PPP1R26: variants seen among roughly 807,000 people sequenced by gnomAD.
The protein encoded by PPP1R26 is 1A6/DRIM (down-regulated in metastasis) interacting protein.
Under a neutral mutation model 67.6 loss-of-function variants are expected in PPP1R26, and 22 were observed. The observed-to-expected ratio is 0.33, with a 90% CI of 0.23 to 0.46. The LOEUF is 0.46. Among genes scored for constraint, PPP1R26 ranks in the 20% least tolerant of loss-of-function variants. The probability of loss-of-function intolerance (pLI) is 1.00; values close to 1 mark genes in which losing one functional copy is unlikely to be tolerated. For synonymous variants in PPP1R26, 729 were observed against 717.2 expected, an observed-to-expected ratio of 1.02 and a Z score of -0.26; for missense variants, 1,602 against 1,651.4, an observed-to-expected ratio of 0.97 and a Z score of 0.52.
rs1187430656 is a variant in PPP1R26, at chr9:135,484,691, C to T, written c.181C>T (p.Arg61Trp). Residue 61 changes from arginine to tryptophan, a missense_variant, in exon 4 of 4, where the codon CGG becomes TGG. Arg to Trp is a moderately radical substitution (Grantham distance 101). Coordinates refer to ENST00000356818, the MANE Select transcript of PPP1R26 (RefSeq NM_014811.5). ...CACTCTGCAGCGCGACGGGGCTGCT[C>T]GGGGCACCAGCGATGAGCGCGCCGC... Reference protein sequence around the residue: ...ISTLQRDGAARGTSDERAAQR... With the variant: ...ISTLQRDGAAWGTSDERAAQR... 15 of 1,609,924 alleles carry T rather than the reference C, an allele frequency of 9.3e-6. No homozygotes were observed. The highest frequency in any genetic ancestry group is 2.2e-5 in the East Asian group (1 of 44,866).
chr9:135,486,736 G>A lies in PPP1R26; in HGVS notation c.2226G>A (p.Trp742Ter), dbSNP rs895745807. The change falls in exon 4 of 4, where the codon TGG becomes TGA. Residue 742 changes from tryptophan to a stop codon, truncating the protein, a stop_gained. Transcript: ENST00000356818. LOFTEE classifies it high-confidence loss of function. The surrounding 1 kb of genome is among the most constrained non-coding windows in gnomAD (Gnocchi z 6.2). ...AGCTGGGCGGGCTCCGGAGAGACTG[G>A]AAAGACAGGGGCCCGCCAGTGCTGA... ...LEQLGGLRRD[W>*]KDRGPPVLKS... The A allele has an allele frequency of 1.3e-6, 2 of 1,568,910 alleles. No homozygotes were observed. The highest frequency in any genetic ancestry group is 1.7e-6 in the Non-Finnish European group (2 of 1,157,522).
chr9:135,484,517 C>G lies in PPP1R26; in HGVS notation c.7C>G (p.Leu3Val), dbSNP rs1470474647. 4 of 1,593,634 alleles carry G rather than the reference C, an allele frequency of 2.5e-6. No homozygotes were observed. Among genetic ancestry groups the G allele is most frequent in the African/African-American group, 2.7e-5 (2 of 73,594 alleles). The change falls in exon 4 of 4, where the codon CTC (leucine) becomes GTC (valine). Residue 3 changes from leucine (L) to valine (V), a missense_variant. Physicochemically the swap from Leu to Val is conservative, Grantham distance 32. This residue lies in a region of PPP1R26 where 168 missense variants were observed against 176.1 expected (regional missense o/e 0.95). Coordinates refer to ENST00000356818, the MANE Select transcript of PPP1R26 (RefSeq NM_014811.5). MF[L>V]MNASPVVALQ... is the part of the protein sequence containing the mutation. ...CCCCTCCCCGTCTGCTAGAATGTTT[C>G]TCATGAACGCTTCTCCAGTGGTTGC...
intron 1 of PPP1R26, chr9:135,480,569 G>C (rs904281271): frequency 6.6e-6 from 1 of 152,276 alleles, no homozygotes; most frequent in Non-Finnish European, 1.5e-5. Context: ...CGCGCCCTCG[G>C]GGAGGGGAGC....
intron 3 of PPP1R26, 176 bp downstream of exon 3, chr9:135,484,258 C>T (rs1830623402): frequency 3.8e-6 from 2 of 522,086 alleles, no homozygotes; most frequent in Admixed American, 7.4e-5. Flanking sequence ...GTTCCTTTCC[C>T]AGCTGAGGAA....
intron 2 of PPP1R26, chr9:135,483,493 A>G (rs1045986531): frequency 6.5e-6 from 1 of 152,842 alleles, no homozygotes; most frequent in African/African-American, 2.4e-5. Flanking sequence ...TTCAGTGTCC[A>G]TAAGCCTTGG....
rs1199423649 is a variant in PPP1R26, at chr9:135,479,932, T to TCCGGCCCGCCC, written c.-408_-398dup. On this transcript the variant is annotated 5_prime_UTR_variant, in exon 1 of 4. Transcript: ENST00000356818. This position sits in a 1 kb window ranked among gnomAD's most constrained non-coding sequence, Gnocchi z 5.9. Reference sequence around the variant, plus strand: ...GGCGGAGCGCGCTGGCCCTGCAGCCTCCGGCCCGCCCCCGGCCCGCCGCCT... The same window carrying TCCGGCCCGCCC: ...GGCGGAGCGCGCTGGCCCTGCAGCCTCCGGCCCGCCCCCGGCCCGCCCCCGGCCCGCCGCCT... 8 of 142,250 alleles carry TCCGGCCCGCCC rather than the reference T, an allele frequency of 5.6e-5. No individual in the cohort carries two copies. Among genetic ancestry groups the TCCGGCCCGCCC allele is most frequent in the South Asian group, 4.4e-4 (2 of 4,550 alleles). The allele number at this position is 142,250 out of a possible 1,614,324, so 8.8% of individuals were successfully genotyped here.
chr9:135,487,794 G>A lies in PPP1R26; in HGVS notation c.3284G>A (p.Trp1095Ter), dbSNP rs202060370. 1 of 1,569,456 alleles carries A rather than the reference G, an allele frequency of 6.4e-7. No individual in the cohort carries two copies. Among genetic ancestry groups the A allele is most frequent in the Non-Finnish European group, 8.6e-7 (1 of 1,162,088 alleles). Residue 1095 changes from tryptophan (W) to a stop codon, truncating the protein, a stop_gained, in exon 4 of 4, where the codon TGG becomes TAG. Coordinates refer to ENST00000356818, the MANE Select transcript of PPP1R26 (RefSeq NM_014811.5). LOFTEE classifies it high-confidence loss of function. The stretch of plus-strand genomic sequence containing the variant: ...TTCCACTTTGGAAAGGGTGTCTCCT[G>A]GGGGGGCAGGCAGGCTGGCCTCTTC... ...QLFHFGKGVS[W>*]GGRQAGLFSP...
In PPP1R26 at chr9:135,488,117, G is replaced by A. The variant is rs142504173; in HGVS notation, c.3607G>A (p.Gly1203Ser). The A allele has an allele frequency of 5.7e-5, 87 of 1,532,056 alleles. No individual in the cohort carries two copies. The highest frequency in any genetic ancestry group is 1.5e-4 in the Admixed American group (7 of 47,130). 94.9% of individuals were successfully genotyped at this position (1,532,056 alleles called of 1,614,324 possible). ...FSDTSTEDSG[G>S]SSVVKV ...CGACACCTCCACGGAGGACAGTGGC[G>A]GCAGCTCAGTAGTGAAGGTCTAAGC... The change falls in exon 4 of 4, where the codon GGC becomes AGC. Residue 1203 changes from glycine to serine, a missense_variant. This residue lies in a region of PPP1R26 where 740 missense variants were observed against 696.3 expected (regional missense o/e 1.06). Transcript: ENST00000356818.
Position 135,485,860 on chromosome 9 carries a change from G to A in PPP1R26, c.1350G>A (p.Leu450=). ...GLDTDHAPKL[L]KETKAPPPAS... is the part of the protein sequence containing the mutation. Reference sequence around the variant, plus strand: ...ACACTGACCATGCCCCCAAGCTCCTGAAGGAAACCAAAGCTCCACCTCCAG... The same window carrying A: ...ACACTGACCATGCCCCCAAGCTCCTAAAGGAAACCAAAGCTCCACCTCCAG... Residue 450 remains leucine, a synonymous_variant, in exon 4 of 4, where the codon CTG becomes CTA. Transcript: ENST00000356818. This position sits in a 1 kb window ranked among gnomAD's most constrained non-coding sequence, Gnocchi z 7.2. 1 of 1,613,466 alleles carries A rather than the reference G, an allele frequency of 6.2e-7. No individual in the cohort carries two copies. Among genetic ancestry groups the A allele is most frequent in the Non-Finnish European group, 8.5e-7 (1 of 1,180,008 alleles).
chr9:135,484,323 G>T (rs916486654), intron 3 of PPP1R26, 126 bp from the exon 4 acceptor site: 1 of 603,408 alleles, frequency 1.7e-6, no homozygotes, highest in Non-Finnish European at 2.9e-6. Context: ...CTAGCTGGAC[G>T]TTGGGCTCCA....
chr9:135,484,723 G>A lies in PPP1R26; in HGVS notation c.213G>A (p.Arg71=). ...CCAGCGATGAGCGCGCCGCACAGAG[G>A]GGCCACAGGGCAGAGGGATGCCACG... ...RGTSDERAAQ[R]GHRAEGCHDA... Residue 71 remains arginine, a synonymous_variant, in exon 4 of 4, where the codon AGG becomes AGA. Coordinates refer to ENST00000356818, the MANE Select transcript of PPP1R26 (RefSeq NM_014811.5). 1.2e-6 allele frequency: 2 copies of A among 1,609,634 alleles called. No individual in the cohort carries two copies. The highest frequency in any genetic ancestry group is 1.7e-6 in the Non-Finnish European group (2 of 1,178,702).
chr9:135,485,670 A>G lies in PPP1R26; in HGVS notation c.1160A>G (p.Asp387Gly), dbSNP rs563547424. The G allele has an allele frequency of 2.5e-6, 4 of 1,611,756 alleles. No homozygotes were observed. In the African/African-American group the frequency reaches 5.3e-5, roughly 21 times the overall value. Residue 387 changes from aspartate to glycine, a missense_variant, in exon 4 of 4, where the codon GAC becomes GGC. Transcript: ENST00000356818. The surrounding 1 kb of genome is among the most constrained non-coding windows in gnomAD (Gnocchi z 7.2). ...AAAACACGCAAGGAGGCCGACGGGG[A>G]CCTGCCCCAGAGGGTCCAACTCCGA... ...LQKTRKEADGDLPQRVQLREE... is the reference protein window; with the variant it reads ...LQKTRKEADGGLPQRVQLREE...
At chr9:135,479,363 C>T (rs1340287896), upstream of PPP1R26, among the ~76,000 whole-genome samples, 2 of 151,788 alleles carry the variant, frequency 1.3e-5, no homozygotes, top group Non-Finnish European at 1.5e-5. The surrounding 1 kb of genome is among the most constrained non-coding windows in gnomAD (Gnocchi z 5.9). Context: ...GGGCCCCGCA[C>T]GCTCCCTTCC....
rs1223502083 is a variant in PPP1R26 at position 135,487,021 on chromosome 9, C to T, written c.2511C>T (p.Ile837=). The change falls in exon 4 of 4, where the codon ATC becomes ATT. Residue 837 remains isoleucine (I), a synonymous_variant. Coordinates refer to ENST00000356818, the MANE Select transcript of PPP1R26 (RefSeq NM_014811.5). ...GTTCAGTGGACAGCAACGACAGCAT[C>T]GAACTGGAGATTAGGAAGTTTTTGG... ...DSSSVDSNDS[I]ELEIRKFLAE... The T allele has an allele frequency of 5.6e-6, 9 of 1,611,564 alleles. No individual in the cohort carries two copies. The highest frequency in any genetic ancestry group is 2.7e-5 in the African/African-American group (2 of 74,894).
rs748711415 is a variant in PPP1R26 at position 135,487,408 on chromosome 9, A to G, written c.2898A>G (p.Pro966=). 2 of 1,595,124 alleles carry G rather than the reference A, an allele frequency of 1.3e-6. No individual in the cohort carries two copies. Among genetic ancestry groups the G allele is most frequent in the Non-Finnish European group, 8.5e-7 (1 of 1,172,090 alleles). ...TTTACGTTCACAAAGACCAGAGCCC[A>G]CGAGGGGCTGAGCCTGCTGCCAAAA... is the stretch of plus-strand genomic sequence containing the variant. ...RNVYVHKDQS[P]RGAEPAAKSA... is the part of the protein sequence containing the mutation. The change falls in exon 4 of 4, where the codon CCA becomes CCG. Residue 966 remains proline (P), a synonymous_variant. Transcript: ENST00000356818.
At chr9:135,481,759 C>T (rs373638135) in intron 1 of PPP1R26, among the ~76,000 whole-genome samples, 3 of 151,932 alleles carry the variant, frequency 2.0e-5, no homozygotes, top group East Asian at 1.9e-4. Flanking sequence ...GCTGGGATTA[C>T]GGGCACACGC....
In PPP1R26 at chr9:135,485,918, C is replaced by T. The variant is rs771579922; in HGVS notation, c.1408C>T (p.Arg470Trp). 98 of 1,613,400 alleles carry T rather than the reference C, an allele frequency of 6.1e-5. 1 individual carries two copies. The East Asian group carries it at 1.1e-3, about 18-fold the overall frequency. The change falls in exon 4 of 4, where the codon CGG becomes TGG. Residue 470 changes from arginine to tryptophan, a missense_variant. Around this residue, in one of 5 missense-constraint regions of PPP1R26, gnomAD observed 680 missense variants for 726.1 expected, o/e 0.94. Coordinates refer to ENST00000356818, the MANE Select transcript of PPP1R26 (RefSeq NM_014811.5). The surrounding 1 kb of genome is among the most constrained non-coding windows in gnomAD (Gnocchi z 7.2). ...SPASRSEFVE[R>W]SSCRADTSAE... ...TGCTTCCAGGAGTGAGTTTGTGGAA[C>T]GGTCCTCGTGCCGGGCGGACACATC...
rs151324944 is a variant in PPP1R26 at position 135,484,702 on chromosome 9, C to T, written c.192C>T (p.Ser64=). 6 of 1,609,676 alleles carry T rather than the reference C, an allele frequency of 3.7e-6. No homozygotes were observed. Among genetic ancestry groups the T allele is most frequent in the African/African-American group, 2.7e-5 (2 of 75,022 alleles). ...GCGACGGGGCTGCTCGGGGCACCAGCGATGAGCGCGCCGCACAGAGGGGCC... is the reference window on the plus strand; with the variant it reads ...GCGACGGGGCTGCTCGGGGCACCAGTGATGAGCGCGCCGCACAGAGGGGCC... ...LQRDGAARGT[S]DERAAQRGHR... The change falls in exon 4 of 4, where the codon AGC becomes AGT. Residue 64 remains serine (S), a synonymous_variant. Transcript: ENST00000356818.
rs1830730458 is a variant in PPP1R26, at chr9:135,486,333, A to G, written c.1823A>G (p.Lys608Arg). 1.2e-6 allele frequency: 2 copies of G among 1,613,078 alleles called. No homozygotes were observed. Among genetic ancestry groups the G allele is most frequent in the Non-Finnish European group, 1.7e-6 (2 of 1,179,998 alleles). Residue 608 changes from lysine (K) to arginine (R), a missense_variant, in exon 4 of 4, where the codon AAG becomes AGG. Physicochemically the swap from Lys to Arg is conservative, Grantham distance 26. This residue lies in a region of PPP1R26 where 680 missense variants were observed against 726.1 expected (regional missense o/e 0.94). Coordinates refer to ENST00000356818, the MANE Select transcript of PPP1R26 (RefSeq NM_014811.5). The surrounding 1 kb of genome is among the most constrained non-coding windows in gnomAD (Gnocchi z 6.2). ...GGCCATGTGAGGCCATCCACGCCCA[A>G]GAAAATGCAGGAGGTGGTGAAAGAC... Reference protein sequence around the residue: ...GGGHVRPSTPKKMQEVVKDGS... With the variant: ...GGGHVRPSTPRKMQEVVKDGS...
Sources: allele counts gnomAD v4.1 joint callset (sites outside exome capture counted in the v4.1 genomes callset), GRCh38; gene constraint gnomAD v4.1.1; regional missense constraint gnomAD v4.1.1; non-coding constraint Gnocchi (gnomAD v3.1); transcripts MANE v1.5; gene names NCBI Gene and HGNC (gene_info 2026-07-23, HGNC 2026-07-21).